UNC45A: variants seen among roughly 807,000 people sequenced by gnomAD.
The protein encoded by UNC45A is protein unc-45 homolog A.
In UNC45A, 78 loss-of-function variants were observed where a neutral mutation model predicts 103.2. That is an observed-to-expected ratio of 0.76 (90% CI 0.63 to 0.91). The LOEUF (loss-of-function observed/expected upper bound fraction) is 0.91, where lower values mean the gene tolerates loss of function less well. Among genes scored for constraint, UNC45A ranks in the 40% least tolerant of loss-of-function variants. The pLI, the probability that UNC45A is intolerant of heterozygous loss-of-function variation, is 0.00. For missense variants in UNC45A, 1,193 were observed against 1,224.8 expected (o/e 0.97, Z 0.39); for synonymous variants, 495 against 504.6 (o/e 0.98, Z 0.25).
upstream of UNC45A, chr15:90,934,374 C>T: frequency 2.5e-6 from 1 of 399,130 alleles, no homozygotes. Context: ...CCAGACCACC[C>T]GGGATGTCCA....
upstream of UNC45A, chr15:90,931,658 G>C (rs974810102): frequency 1.9e-6 from 3 of 1,613,910 alleles, no homozygotes. Context: ...TCTTCAGAAG[G>C]CGGCATCCCC....
chr15:90,945,401 G>C (rs2036513590), intron 9 of UNC45A, among the ~76,000 whole-genome samples: 1 of 149,638 alleles, frequency 6.7e-6, no homozygotes, highest in Non-Finnish European at 1.5e-5. Context: ...CACTCTTGTT[G>C]CTCAGGCTGG....
intron 10 of UNC45A, chr15:90,947,176 G>T: frequency 2.1e-6 from 1 of 487,318 alleles, no homozygotes; most frequent in Non-Finnish European, 3.7e-6. Flanking sequence ...AACACAGCAA[G>T]ACCCTCTCTA....
chr15:90,934,522 C>T (rs910020757), upstream of UNC45A: 37 of 398,900 alleles, frequency 9.3e-5, no homozygotes, highest in African/African-American at 6.2e-4. Context: ...GTCAATCTGT[C>T]CGCTCTTCCG....
rs376994124 is a variant in UNC45A at position 90,947,798 on chromosome 15, A to T, written c.1503A>T (p.Gly501=). The T allele has an allele frequency of 1.2e-6, 2 of 1,613,598 alleles. No individual in the cohort carries two copies. Among genetic ancestry groups the T allele is most frequent in the African/African-American group, 2.7e-5 (2 of 74,864 alleles). The part of the protein sequence containing the change: ...KDSIRIRALV[G]LCKLGSAGGT... ...CTGGTCTTGCCCTCTTCCTCCAGGG[A>T]CTCTGTAAGCTCGGTTCGGCTGGAG... The change falls in exon 11 of 20, where the codon GGA becomes GGT. Residue 501 remains glycine (G), a splice_region_variant and synonymous_variant. Transcript: ENST00000418476.
intron 1 of UNC45A, 67 bp downstream of exon 1, chr15:90,935,442 C>A: frequency 6.3e-7 from 1 of 1,578,218 alleles, no homozygotes; most frequent in Non-Finnish European, 8.6e-7. Flanking sequence ...CCTCCTTCTC[C>A]CCATCCATGA....
rs765596539 is a variant in UNC45A, at chr15:90,946,729, A to T, written c.1315A>T (p.Met439Leu). 6.8e-6 allele frequency: 11 copies of T among 1,613,766 alleles called. No individual in the cohort carries two copies. The highest frequency in any genetic ancestry group is 1.1e-5 in the South Asian group (1 of 91,062). Residue 439 changes from methionine to leucine, a missense_variant, in exon 10 of 20, where the codon ATG (methionine) becomes TTG (leucine). Physicochemically the swap from Met to Leu is conservative, Grantham distance 15 (BLOSUM62 2). Coordinates refer to ENST00000418476, the MANE Select transcript of UNC45A (RefSeq NM_018671.5). ...GNRALELSGV[M>L]ESVIALCASE... ...CCGGGCCTTGGAGCTGAGCGGTGTC[A>T]TGGAGAGTGTGATTGCTCTGTGTGC...
At chr15:90,937,094 C>G (rs1226539814) in intron 4 of UNC45A, among the ~76,000 whole-genome samples, 3 of 152,154 alleles carry the variant, frequency 2.0e-5, no homozygotes, top group Non-Finnish European at 4.4e-5. Context: ...GCCTGTAATC[C>G]CAGTGCTTTT....
upstream of UNC45A, chr15:90,934,824 C>G: frequency 2.4e-6 from 1 of 413,272 alleles, no homozygotes. Flanking sequence ...TAAGACGACA[C>G]TTATTTGGGG....
rs1364331573 is a variant in UNC45A at position 90,947,877 on chromosome 15, A to G, written c.1582A>G (p.Lys528Glu). Reference sequence around the variant, plus strand: ...TGAAGGCTCCACTCTCAAACTGGCTAAGCAGTGTCGAAAGTGAGTCATCTG... The same window carrying G: ...TGAAGGCTCCACTCTCAAACTGGCTGAGCAGTGTCGAAAGTGAGTCATCTG... ...FAEGSTLKLA[K>E]QCRKWLCNDQ... The change falls in exon 11 of 20, where the codon AAG becomes GAG. Residue 528 changes from lysine (K) to glutamate (E), a missense_variant. Physicochemically the swap from Lys to Glu is moderately conservative, Grantham distance 56 (BLOSUM62 1). Transcript: ENST00000418476. 6.2e-7 allele frequency: 1 copy of G among 1,613,774 alleles called. No homozygotes were observed. Among genetic ancestry groups the G allele is most frequent in the Non-Finnish European group, 8.5e-7 (1 of 1,179,860 alleles).
In UNC45A at chr15:90,950,147, C is replaced by A; in HGVS notation, c.2074-7C>A. ...TGTCCTGAGCAGTGACGGGCTTGTTCCTACAGGCGCTGATCCCGCTGGCCC... is the reference window on the plus strand; with the variant it reads ...TGTCCTGAGCAGTGACGGGCTTGTTACTACAGGCGCTGATCCCGCTGGCCC... On this transcript the variant is annotated splice_region_variant and splice_polypyrimidine_tract_variant and intron_variant, in intron 15 of 19. Transcript: ENST00000418476. The A allele has an allele frequency of 6.4e-7, 1 of 1,551,006 alleles. No individual in the cohort carries two copies. The highest frequency in any genetic ancestry group is 8.7e-7 in the Non-Finnish European group (1 of 1,146,898).
chr15:90,948,424 G>T, intron 12 of UNC45A, 141 bp downstream of exon 12: 2 of 1,365,348 alleles, frequency 1.5e-6, no homozygotes, highest in Non-Finnish European at 2.0e-6. Flanking sequence ...TCTGTGTAGT[G>T]TGGGCATGTT....
chr15:90,932,292 G>T, upstream of UNC45A: 1 of 829,662 alleles, frequency 1.2e-6, no homozygotes, highest in Non-Finnish European at 1.8e-6. Flanking sequence ...CGTTCCAATT[G>T]TTATGAGGCT....
intron 4 of UNC45A, among the ~76,000 whole-genome samples, chr15:90,937,999 G>T (rs2036107364): frequency 6.6e-6 from 1 of 152,024 alleles, no homozygotes. Context: ...TTACTGTGTT[G>T]CCCAGGTGGC....
intron 11 of UNC45A, 33 bp downstream of exon 11, chr15:90,947,923 C>T (rs2036658176): frequency 6.3e-7 from 1 of 1,583,404 alleles, no homozygotes; most frequent in South Asian, 1.1e-5. Flanking sequence ...GGTTCCCCAC[C>T]TGTGGGGTAG....
rs1299165017 is a variant in UNC45A, at chr15:90,953,446, G to A, written c.2578-13G>A. On this transcript the variant is annotated splice_polypyrimidine_tract_variant and intron_variant, in intron 19 of 19. Coordinates refer to ENST00000418476, the MANE Select transcript of UNC45A (RefSeq NM_018671.5). ...GTTGCCCAGGGGTCATATCTACCCT[G>A]TTTTTCTCACAGACCACACACTGGC... is the stretch of plus-strand genomic sequence containing the variant. 1.9e-6 allele frequency: 3 copies of A among 1,612,776 alleles called. No individual in the cohort carries two copies. The highest frequency in any genetic ancestry group is 2.2e-5 in the South Asian group (2 of 91,038).
chr15:90,935,091 C>A, upstream of UNC45A: 6 of 580,418 alleles, frequency 1.0e-5, no homozygotes, highest in Admixed American at 9.6e-5. Flanking sequence ...CCGCCGCGAG[C>A]TCCCTGCAGG....
At chr15:90,947,736 G>GA in intron 10 of UNC45A, 60 bp from the exon 11 acceptor site, 1 of 1,289,122 alleles carries the variant, frequency 7.8e-7, no homozygotes, top group Non-Finnish European at 1.1e-6. Context: ...GCCAGGTGTG[G>GA]AGGAGCTCAG....
At chr15:90,933,737 CTTGT>C, upstream of UNC45A, 1 of 257,932 alleles carries the variant, frequency 3.9e-6, no homozygotes, top group Non-Finnish European at 7.3e-6. Flanking sequence ...GCTGTAAATG[CTTGT>C]TTGTTCTTCA....
Sources: gnomAD v4.1 joint callset for allele counts (sites outside exome capture counted in the v4.1 genomes callset) on GRCh38, gnomAD v4.1.1 for gene constraint, MANE v1.5 for transcripts, NCBI Gene and HGNC (gene_info 2026-07-23, HGNC 2026-07-21) for gene names.